Variants in DEPDC5 observed in about 807,000 individuals in gnomAD.
DEPDC5 encodes DEP domain containing 5, GATOR1 subcomplex subunit.
In DEPDC5, 73 loss-of-function variants were observed where a neutral mutation model predicts 217.3. That is an observed-to-expected ratio of 0.34 (90% confidence interval 0.28 to 0.41). The LOEUF is 0.41. Ranked by LOEUF, DEPDC5 falls within the 10% of genes least tolerant of loss-of-function variation. The pLI is 1.00. For missense variants in DEPDC5, 1,675 were observed against 2,070.1 expected (o/e 0.81, Z 3.70); for synonymous variants, 733 against 756.7 (o/e 0.97, Z 0.51).
rs762811077 is a variant in DEPDC5 at position 31,810,601 on chromosome 22, C to T, written c.1405C>T (p.Leu469=). The T allele has an allele frequency of 1.8e-5, 29 of 1,614,088 alleles. No individual in the cohort carries two copies. In the African/African-American group the frequency reaches 2.4e-4, roughly 13 times the overall value. The change falls in exon 20 of 43, where the codon CTG becomes TTG. Residue 469 remains leucine, a synonymous_variant. Coordinates refer to ENST00000651528, the MANE Select transcript of DEPDC5 (RefSeq NM_001242896.3). ...CGCCTATGACGCTCAAGTGTTCAGG[C>T]TGCCCGGCCCATCCCGGGCCCAGTG... ...YDAYDAQVFR[L]PGPSRAQCLT...
intron 40 of DEPDC5, among the ~76,000 whole-genome samples, chr22:31,899,598 G>A (rs1291876097): frequency 6.6e-6 from 1 of 152,098 alleles, no homozygotes; most frequent in East Asian, 1.9e-4. Context: ...CACCACGTTG[G>A]CCAGGAAGGT....
Position 31,792,041 on chromosome 22 carries a change from C to A in DEPDC5, c.633C>A (p.Asn211Lys). 2 of 1,604,224 alleles carry A rather than the reference C, an allele frequency of 1.2e-6. No homozygotes were observed. Among genetic ancestry groups the A allele is most frequent in the Non-Finnish European group, 1.7e-6 (2 of 1,174,146 alleles). ...TCTCTACTCATGCTTAGGAGAAGAA[C>A]TGTAGTCATGAAGTGACAGTGGTCC... ...ADLFTKWKEK[N>K]CSHEVTVVLF... Residue 211 changes from asparagine (N) to lysine (K), a missense_variant, in exon 11 of 43, where the codon AAC becomes AAA. By Grantham distance (94) the Asn-to-Lys change is moderately conservative (BLOSUM62 0). Coordinates refer to ENST00000651528, the MANE Select transcript of DEPDC5 (RefSeq NM_001242896.3).
At chr22:31,851,391 G>T (rs906117415) in intron 31 of DEPDC5, among the ~76,000 whole-genome samples, 7 of 152,198 alleles carry the variant, frequency 4.6e-5, no homozygotes, top group Non-Finnish European at 1.0e-4. Context: ...ATGGGGGTGG[G>T]TGAGACTTGA....
chr22:31,831,835 C>T (rs2090621189), intron 24 of DEPDC5, among the ~76,000 whole-genome samples: 1 of 152,172 alleles, frequency 6.6e-6, no homozygotes, highest in Admixed American at 6.5e-5. Flanking sequence ...TGAGTTTTGA[C>T]AAATGCATAG....
At chr22:31,812,523 C>T (rs1331609185) in intron 20 of DEPDC5, among the ~76,000 whole-genome samples, 2 of 147,464 alleles carry the variant, frequency 1.4e-5, no homozygotes, top group African/African-American at 5.0e-5. Context: ...CTCCCAGCTT[C>T]GCACCATTCT....
chr22:31,872,709 G>A (rs2092880376), intron 34 of DEPDC5, among the ~76,000 whole-genome samples: 1 of 152,058 alleles, frequency 6.6e-6, no homozygotes, highest in Non-Finnish European at 1.5e-5. Context: ...GGACACAAAA[G>A]TACTTTGAAT....
intron 38 of DEPDC5, among the ~76,000 whole-genome samples, chr22:31,892,893 T>A (rs77125682): frequency 7.4e-6 from 1 of 134,690 alleles, no homozygotes; most frequent in Non-Finnish European, 1.6e-5. Context: ...TTTTTTTTTT[T>A]TGAGACGGAG....
At chr22:31,822,478 G>A (rs1016292190) in intron 23 of DEPDC5, among the ~76,000 whole-genome samples, 2 of 152,094 alleles carry the variant, frequency 1.3e-5, no homozygotes, top group African/African-American at 4.8e-5. Flanking sequence ...AAAGCAGCAG[G>A]GGTGCCAGGG....
chr22:31,839,929 A>G (rs1379770985), intron 27 of DEPDC5, among the ~76,000 whole-genome samples: 1 of 152,126 alleles, frequency 6.6e-6, no homozygotes, highest in African/African-American at 2.4e-5. Context: ...CCAGGAGTTC[A>G]AGACTGGCCT....
At chr22:31,826,901 T>G (rs909998182) in intron 24 of DEPDC5, among the ~76,000 whole-genome samples, 2 of 151,830 alleles carry the variant, frequency 1.3e-5, no homozygotes, top group Admixed American at 6.6e-5. Context: ...TACATAGTTT[T>G]TTTTTTTTTT....
chr22:31,821,721 A>G, intron 23 of DEPDC5, 84 bp downstream of exon 23: 1 of 1,550,540 alleles, frequency 6.4e-7, no homozygotes, highest in Non-Finnish European at 8.8e-7. Flanking sequence ...ACTATTGACA[A>G]AATGTTGTTT....
At chr22:31,781,759 C>T (rs1270374815) in intron 8 of DEPDC5, among the ~76,000 whole-genome samples, 1 of 152,154 alleles carries the variant, frequency 6.6e-6, no homozygotes, top group Non-Finnish European at 1.5e-5. Context: ...TGGAGCTGAA[C>T]ATGGTGGCTC....
intron 12 of DEPDC5, 67 bp from the exon 13 acceptor site, chr22:31,797,533 G>C (rs1051557589): frequency 2.4e-6 from 3 of 1,273,010 alleles, no homozygotes; most frequent in Non-Finnish European, 3.4e-6. Context: ...GATGAAATTT[G>C]GGAGGGGACA....
intron 10 of DEPDC5, among the ~76,000 whole-genome samples, chr22:31,790,688 TG>T (rs1363952879): frequency 1.3e-5 from 2 of 151,734 alleles, no homozygotes; most frequent in Non-Finnish European, 1.5e-5. Flanking sequence ...CCAAGGCAAG[TG>T]GATCACTTGA....
At chr22:31,760,850 A>T in intron 4 of DEPDC5, 148 bp downstream of exon 4, 1 of 685,882 alleles carries the variant, frequency 1.5e-6, no homozygotes, top group South Asian at 2.0e-5. Flanking sequence ...CAGGCAGTAC[A>T]TGGGAATGTT....
chr22:31,893,524 C>G, intron 38 of DEPDC5, 58 bp from the exon 39 acceptor site: 2 of 1,427,408 alleles, frequency 1.4e-6, no homozygotes, highest in Non-Finnish European at 1.8e-6. Flanking sequence ...GTTATTTGTT[C>G]TTCTTCATCC....
intron 22 of DEPDC5, among the ~76,000 whole-genome samples, chr22:31,819,429 G>A (rs551856386): frequency 6.6e-6 from 1 of 151,258 alleles, no homozygotes; most frequent in South Asian, 2.1e-4. Flanking sequence ...CTAATTAGCT[G>A]TATAAACCTG....
At chr22:31,810,835 G>A (rs961978973) in intron 20 of DEPDC5, among the ~76,000 whole-genome samples, 194 bp downstream of exon 20, 10 of 152,184 alleles carry the variant, frequency 6.6e-5, no homozygotes, top group African/African-American at 2.2e-4. Flanking sequence ...GAGTGCAATG[G>A]TGTGATCTCG....
Position 31,825,040 on chromosome 22 carries a change from A to G in DEPDC5, c.2104+2250A>G, listed in dbSNP as rs150047078. Among the ~76,000 whole-genome samples, 509 of 151,920 alleles carry G rather than the reference A, an allele frequency of 3.4e-3. 2 individuals are homozygous for G. Among genetic ancestry groups the G allele is most frequent in the African/African-American group, 0.012 (494 of 41,428 alleles). On this transcript the variant is annotated intron_variant, in intron 24 of 42. Transcript: ENST00000651528. ...GAGGGGCTATTGCTTTGCTATGCCA[A>G]GGAGCCATTTTTAGGAACCCAGAGT...
Sources: allele counts gnomAD v4.1 joint callset (sites outside exome capture counted in the v4.1 genomes callset), GRCh38; gene constraint gnomAD v4.1.1; transcripts MANE v1.5; gene names NCBI Gene and HGNC (gene_info 2026-07-23, HGNC 2026-07-21).